The following SPECC1 variants were observed in gnomAD, a reference collection of about 807,000 sequenced individuals.
SPECC1 encodes sperm antigen with calponin homology and coiled-coil domains 1, also known as cytospin-B.
SPECC1 carries 62 observed loss-of-function variants against 104.1 expected under a neutral mutation model. The observed-to-expected ratio is 0.60, with a 90% CI of 0.49 to 0.74. SPECC1 has a LOEUF of 0.74. Among genes scored for constraint, SPECC1 ranks in the 30% least tolerant of loss-of-function variants. SPECC1 has a pLI of 0.00. For missense variants in SPECC1, 1,306 were observed against 1,310.5 expected (o/e 1.00, Z 0.05); for synonymous variants, 513 against 501.6 (o/e 1.02, Z -0.30).
intron 1 of SPECC1, among the ~76,000 whole-genome samples, chr17:20,069,375 C>G (rs1047732942): frequency 6.6e-6 from 1 of 152,104 alleles, no homozygotes; most frequent in African/African-American, 2.4e-5. Context: ...TCCACTTTAT[C>G]TAGTTTGTCT....
At chr17:20,103,806 T>C (rs531325822) in intron 2 of SPECC1, among the ~76,000 whole-genome samples, 58 of 152,328 alleles carry the variant, frequency 3.8e-4, no homozygotes, top group African/African-American at 1.3e-3. Flanking sequence ...CAGGATTCAC[T>C]GAAAGGCTGT....
At chr17:20,019,205 ATCATTCAT>A (rs34263890) in intron 1 of SPECC1, among the ~76,000 whole-genome samples, 4 of 92,214 alleles carry the variant, frequency 4.3e-5, no homozygotes, top group Admixed American at 3.2e-4. Flanking sequence ...AGAAGACCCT[ATCATTCAT>A]TTATTTATTT....
chr17:20,102,067 G>A (rs999509749), intron 2 of SPECC1, among the ~76,000 whole-genome samples: 1 of 152,220 alleles, frequency 6.6e-6, no homozygotes, highest in Non-Finnish European at 1.5e-5. Flanking sequence ...AAGCAGCACC[G>A]AAGTGCACAC....
chr17:20,063,203 G>A (rs2046250910), intron 1 of SPECC1, among the ~76,000 whole-genome samples: 1 of 152,112 alleles, frequency 6.6e-6, no homozygotes, highest in South Asian at 2.1e-4. Flanking sequence ...TATTAGATGG[G>A]TTAAGCATCT....
chr17:20,269,693 G>A (rs1693341057), intron 12 of SPECC1, among the ~76,000 whole-genome samples: 1 of 152,234 alleles, frequency 6.6e-6, no homozygotes, highest in Admixed American at 6.5e-5. Context: ...CATTTCACAC[G>A]TGTTGTCATG....
intron 3 of SPECC1, among the ~76,000 whole-genome samples, chr17:20,114,499 T>G (rs898165700): frequency 1.4e-5 from 2 of 146,786 alleles, no homozygotes; most frequent in Non-Finnish European, 2.9e-5. Context: ...CTGTTTTTTT[T>G]TTTGTTTTTT....
Position 20,139,594 on chromosome 17 carries a change from A to T in SPECC1, c.283+29032A>T, listed in dbSNP as rs180814542. Among the ~76,000 whole-genome samples, 28 of 152,308 alleles carry T rather than the reference A, an allele frequency of 1.8e-4. No homozygotes were observed. The East Asian group carries it at 5.4e-3, about 29-fold the overall frequency. On this transcript the variant is annotated intron_variant, in intron 3 of 14. Coordinates refer to ENST00000395527, the MANE Select transcript of SPECC1 (RefSeq NM_001243439.2). ...TGGCATTTCTCAGTCCTCCAGATAC[A>T]TTCTAGTGTTATCTTTATTAACTTC...
At chr17:20,043,114 G>A (rs1029095005) in intron 1 of SPECC1, among the ~76,000 whole-genome samples, 4 of 152,178 alleles carry the variant, frequency 2.6e-5, no homozygotes, top group East Asian at 3.8e-4. Context: ...CTGGTGGAGC[G>A]TCTCATGGTC....
chr17:20,236,896 G>T (rs779412971), intron 7 of SPECC1: 6 of 1,613,770 alleles, frequency 3.7e-6, no homozygotes, highest in Non-Finnish European at 5.1e-6. Context: ...GCATTTGGTG[G>T]AAGAAAGACA....
At chr17:20,238,017 C>T in intron 7 of SPECC1, 1 of 1,018,914 alleles carries the variant, frequency 9.8e-7, no homozygotes, top group Non-Finnish European at 1.2e-6. Context: ...GCTGGGATTA[C>T]AGGCTTGAGA....
At chr17:20,077,120 G>T (rs1243566766) in intron 1 of SPECC1, among the ~76,000 whole-genome samples, 1 of 152,198 alleles carries the variant, frequency 6.6e-6, no homozygotes, top group East Asian at 1.9e-4. Context: ...AAAACATGCA[G>T]TCATTTAACA....
intron 3 of SPECC1, among the ~76,000 whole-genome samples, chr17:20,148,397 A>G (rs1459399386): frequency 2.0e-5 from 3 of 152,082 alleles, no homozygotes; most frequent in Non-Finnish European, 2.9e-5. Flanking sequence ...ACACTACCAC[A>G]CTTGGCTGAT....
chr17:20,296,803 C>T (rs900232791), intron 12 of SPECC1, among the ~76,000 whole-genome samples, 158 bp from the exon 13 acceptor site: 4 of 151,706 alleles, frequency 2.6e-5, no homozygotes, highest in South Asian at 2.1e-4. Context: ...AGAGTTCACT[C>T]GTGAATTCGG....
chr17:20,231,682 T>C (rs920782199), intron 5 of SPECC1, 76 bp from the exon 6 acceptor site: 3 of 1,386,210 alleles, frequency 2.2e-6, no homozygotes, highest in Non-Finnish European at 3.1e-6. Context: ...AGCTGCCCCT[T>C]TCTTTGCTAC....
chr17:20,009,680 T>C lies in SPECC1; in HGVS notation c.-22+256T>C, dbSNP rs765191414. Among the ~76,000 whole-genome samples the C allele has an allele frequency of 5.3e-5, 8 of 151,898 alleles. No homozygotes were observed. The highest frequency in any genetic ancestry group is 8.8e-5 in the Non-Finnish European group (6 of 67,922). ...GGAGCGGTGGGACCGGTGCCGCAGGTGGCAGCGGCAGGTGGCCGCCTCCTC... is the reference window on the plus strand; with the variant it reads ...GGAGCGGTGGGACCGGTGCCGCAGGCGGCAGCGGCAGGTGGCCGCCTCCTC... On this transcript the variant is annotated intron_variant, in intron 1 of 14. Coordinates refer to ENST00000395527, the MANE Select transcript of SPECC1 (RefSeq NM_001243439.2). This position sits in a 1 kb window ranked among gnomAD's most constrained non-coding sequence, Gnocchi z 5.2.
intron 3 of SPECC1, among the ~76,000 whole-genome samples, chr17:20,195,185 T>C (rs1177801437): frequency 1.3e-5 from 2 of 152,166 alleles, no homozygotes; most frequent in Non-Finnish European, 2.9e-5. Flanking sequence ...AAAACATGCA[T>C]TGAAGAACAC....
chr17:20,082,710 G>A (rs1469882383), intron 1 of SPECC1, among the ~76,000 whole-genome samples: 1 of 152,102 alleles, frequency 6.6e-6, no homozygotes, highest in Non-Finnish European at 1.5e-5. Context: ...TACTGGATTA[G>A]GGCTCAACCA....
Position 20,297,068 on chromosome 17 carries a change from T to C in SPECC1, c.3048T>C (p.Ser1016=). 6.2e-7 allele frequency: 1 copy of C among 1,613,966 alleles called. No individual in the cohort carries two copies. Among genetic ancestry groups the C allele is most frequent in the Non-Finnish European group, 8.5e-7 (1 of 1,179,904 alleles). Residue 1016 remains serine (S), a synonymous_variant, in exon 13 of 15, where the codon AGT becomes AGC. Transcript: ENST00000395527. ...PAHIPYQELN[S]QEKKRNLLLA... is the part of the protein sequence containing the mutation. ...ACATCCCCTACCAGGAGCTGAATAG[T>C]CAGGAGAAAGTAAGTCATGGCCCTG...
chr17:20,182,868 A>T (rs755175159), intron 3 of SPECC1, among the ~76,000 whole-genome samples: 1 of 152,212 alleles, frequency 6.6e-6, no homozygotes, highest in African/African-American at 2.4e-5. Context: ...CCATCTGGCC[A>T]CACCCAGCTG....
Sources: gnomAD v4.1 joint callset for allele counts (sites outside exome capture counted in the v4.1 genomes callset) on GRCh38, gnomAD v4.1.1 for gene constraint, Gnocchi (gnomAD v3.1) non-coding constraint, MANE v1.5 for transcripts, NCBI Gene and HGNC (gene_info 2026-07-23, HGNC 2026-07-21) for gene names.